The following KDM7A variants were observed in gnomAD, a reference collection of about 807,000 sequenced individuals.
The protein encoded by KDM7A is lysine demethylase 7A, also known as lysine-specific demethylase 7A.
In KDM7A, 28 loss-of-function variants were observed where a neutral mutation model predicts 114.8. That is an observed-to-expected ratio of 0.24 (90% CI 0.18 to 0.33). The LOEUF is 0.33. KDM7A is among the 10% of genes least tolerant of loss of function. KDM7A has a pLI of 1.00. For missense variants in KDM7A, 942 were observed against 1,142.5 expected, an observed-to-expected ratio of 0.82 and a Z score of 2.53; for synonymous variants, 423 against 397.8, an observed-to-expected ratio of 1.06 and a Z score of -0.75.
intron 11 of KDM7A, among the ~76,000 whole-genome samples, chr7:140,105,359 C>T (rs1208064553): frequency 1.3e-5 from 2 of 152,170 alleles, no homozygotes; most frequent in Non-Finnish European, 2.9e-5. Flanking sequence ...GCATTCCTGT[C>T]TTGTGCCAGT....
chr7:140,100,409 C>T (rs1818181060), intron 12 of KDM7A, among the ~76,000 whole-genome samples: 1 of 151,930 alleles, frequency 6.6e-6, no homozygotes, highest in South Asian at 2.1e-4. Flanking sequence ...ATTCACCCAT[C>T]CTTCATCTAA....
Position 140,090,976 on chromosome 7 carries a change from C to T in KDM7A, c.*118G>A, listed in dbSNP as rs1818008080. 1.7e-5 allele frequency: 12 copies of T among 702,660 alleles called. No individual in the cohort carries two copies. The highest frequency in any genetic ancestry group is 9.4e-5 in the Admixed American group (4 of 42,776). The allele number at this position is 702,660 out of a possible 1,614,324, so 43.5% of individuals were successfully genotyped here. A position where few individuals can be genotyped will look rare whatever the true frequency, so the allele number is the denominator to read the frequency against. On this transcript the variant is annotated 3_prime_UTR_variant, in exon 20 of 20. Coordinates refer to ENST00000397560, the MANE Select transcript of KDM7A (RefSeq NM_030647.2). ...GCAGCATCAGGTTCATTCTGTTCTT[C>T]GGGCAGTGTTCTTACTATACACACA...
intron 1 of KDM7A, among the ~76,000 whole-genome samples, chr7:140,141,205 A>G (rs968595602): frequency 6.6e-6 from 1 of 152,202 alleles, no homozygotes; most frequent in African/African-American, 2.4e-5. Context: ...TAATGTAAAG[A>G]TATTAATTAA....
intron 11 of KDM7A, among the ~76,000 whole-genome samples, chr7:140,108,360 T>C (rs1375612112): frequency 1.3e-5 from 2 of 152,208 alleles, no homozygotes; most frequent in African/African-American, 2.4e-5. Context: ...AGAGGCACTC[T>C]GATTTTTGGA....
intron 11 of KDM7A, among the ~76,000 whole-genome samples, chr7:140,104,840 G>A (rs764148456): frequency 6.6e-6 from 1 of 152,168 alleles, no homozygotes; most frequent in Non-Finnish European, 1.5e-5. Flanking sequence ...AAAGTCATTG[G>A]TAGCTTGATG....
intron 9 of KDM7A, among the ~76,000 whole-genome samples, chr7:140,114,943 C>A (rs537351719): frequency 2.2e-4 from 33 of 151,328 alleles, no homozygotes; most frequent in African/African-American, 7.5e-4. Flanking sequence ...GGAAGCCGCC[C>A]CTTCTGATAA....
At chr7:140,153,270 G>A (rs1377385616) in intron 1 of KDM7A, among the ~76,000 whole-genome samples, 1 of 151,410 alleles carries the variant, frequency 6.6e-6, no homozygotes, top group African/African-American at 2.4e-5. Flanking sequence ...GGCGGATCAC[G>A]AGGTCAGGAG....
intron 11 of KDM7A, among the ~76,000 whole-genome samples, chr7:140,110,260 T>C (rs934303654): frequency 2.0e-5 from 3 of 152,228 alleles, no homozygotes; most frequent in Non-Finnish European, 4.4e-5. Flanking sequence ...TTTATATATG[T>C]ATAAACTTAC....
intron 1 of KDM7A, among the ~76,000 whole-genome samples, chr7:140,147,805 G>A (rs1157636533): frequency 2.0e-5 from 3 of 152,144 alleles, no homozygotes; most frequent in Non-Finnish European, 4.4e-5. Flanking sequence ...CCATGACACC[G>A]GATAAACACA....
In KDM7A at chr7:140,101,933, A is replaced by G; in HGVS notation, c.1638+18T>C. ...AACAGCCAAGTTTCTTTTTGTTGTC[A>G]TGAAACATAATACTTGCCTCTTCCC... On this transcript the variant is annotated intron_variant, in intron 12 of 19. Transcript: ENST00000397560. 1 of 1,551,940 alleles carries G rather than the reference A, an allele frequency of 6.4e-7. No individual in the cohort carries two copies. The highest frequency in any genetic ancestry group is 8.9e-7 in the Non-Finnish European group (1 of 1,126,288).
rs200554719 is a variant in KDM7A, at chr7:140,142,028, A to G, written c.195-2838T>C. Among the ~76,000 whole-genome samples the G allele has an allele frequency of 1.6e-4, 24 of 146,456 alleles. No individual in the cohort carries two copies. The East Asian group carries it at 4.7e-3, about 28-fold the overall frequency. On this transcript the variant is annotated intron_variant, in intron 1 of 19. Coordinates refer to ENST00000397560, the MANE Select transcript of KDM7A (RefSeq NM_030647.2). Reference sequence around the variant, plus strand: ...ATATTTATATATAATATATATTTATATATTAAAAAGATATTTATATATCAT... The same window carrying G: ...ATATTTATATATAATATATATTTATGTATTAAAAAGATATTTATATATCAT...
At chr7:140,099,820 T>C (rs1818173667) in intron 13 of KDM7A, 79 bp downstream of exon 13, 6 of 1,370,900 alleles carry the variant, frequency 4.4e-6, no homozygotes, top group South Asian at 1.2e-5. Context: ...GCCAGAAAGG[T>C]TGAGGACCAC....
At chr7:140,125,063 T>G (rs992450001) in intron 6 of KDM7A, among the ~76,000 whole-genome samples, 1 of 152,194 alleles carries the variant, frequency 6.6e-6, no homozygotes, top group Admixed American at 6.5e-5. Context: ...AACATCCCAC[T>G]GACCTCCTCT....
chr7:140,115,647 C>CA (rs1484786929), intron 9 of KDM7A, among the ~76,000 whole-genome samples: 10 of 151,872 alleles, frequency 6.6e-5, no homozygotes, highest in African/African-American at 2.4e-4. Flanking sequence ...ATCAGGGACA[C>CA]AAACACTGCA....
chr7:140,103,690 T>C (rs1473809860), intron 11 of KDM7A, among the ~76,000 whole-genome samples: 8 of 152,196 alleles, frequency 5.3e-5, no homozygotes, highest in Non-Finnish European at 1.2e-4. Context: ...TGTGCCACAA[T>C]TTCTTAATCC....
chr7:140,167,153 C>G (rs1794585685), intron 1 of KDM7A, among the ~76,000 whole-genome samples: 1 of 152,016 alleles, frequency 6.6e-6, no homozygotes, highest in African/African-American at 2.4e-5. Flanking sequence ...GAGAGAAGGA[C>G]TCAATATTAT....
intron 2 of KDM7A, among the ~76,000 whole-genome samples, chr7:140,135,938 T>C (rs1395623661): frequency 1.3e-5 from 2 of 149,954 alleles, no homozygotes; most frequent in African/African-American, 4.9e-5. Flanking sequence ...ATTTGATAGG[T>C]AAAGTATGAT....
intron 7 of KDM7A, among the ~76,000 whole-genome samples, chr7:140,121,574 G>A (rs1204117181): frequency 1.3e-5 from 2 of 152,144 alleles, no homozygotes; most frequent in Non-Finnish European, 2.9e-5. Flanking sequence ...GCCTGTTCAG[G>A]ATGTTTTGGA....
At chr7:140,167,775 C>T (rs1029943459) in intron 1 of KDM7A, among the ~76,000 whole-genome samples, 5 of 151,976 alleles carry the variant, frequency 3.3e-5, no homozygotes, top group African/African-American at 7.2e-5. Context: ...AATATGACTA[C>T]ATATTTCTTA....
Sources: allele counts gnomAD v4.1 joint callset (sites outside exome capture counted in the v4.1 genomes callset), GRCh38; gene constraint gnomAD v4.1.1; transcripts MANE v1.5; gene names NCBI Gene and HGNC (gene_info 2026-07-23, HGNC 2026-07-21).